The following ULK4 variants were observed in gnomAD, a reference collection of about 807,000 sequenced individuals.
ULK4 encodes the protein unc-51 like kinase 4, also known as inactive serine/threonine-protein kinase ULK4.
Under a neutral mutation model 160.6 loss-of-function variants are expected in ULK4, and 133 were observed. The observed-to-expected ratio is 0.83, with a 90% CI of 0.72 to 0.96. The LOEUF is 0.96. Ranked by LOEUF, ULK4 falls within the 40% of genes least tolerant of loss-of-function variation. The pLI is 0.00. For missense variants in ULK4, 1,580 were observed against 1,499.5 expected (o/e 1.05, Z -0.89); for synonymous variants, 534 against 539.8 (o/e 0.99, Z 0.15).
chr3:41,940,364 C>A (rs73071212), intron 2 of ULK4, among the ~76,000 whole-genome samples: 19,158 of 152,088 alleles, frequency 0.13, 1,384 homozygotes, highest in Middle Eastern at 0.27. Flanking sequence ...AAGCCTTCTT[C>A]CCTGGCAATA....
chr3:41,683,905 T>G (rs757118740), intron 27 of ULK4, among the ~76,000 whole-genome samples: 1 of 152,170 alleles, frequency 6.6e-6, no homozygotes, highest in East Asian at 1.9e-4. Flanking sequence ...TATTCAAGCA[T>G]GCAAGCCTAC....
intron 1 of ULK4, 51 bp from the exon 2 acceptor site, chr3:41,954,858 T>A: frequency 1.6e-6 from 2 of 1,217,568 alleles, no homozygotes; most frequent in Non-Finnish European, 2.3e-6. Flanking sequence ...GTTGCATAAT[T>A]AATTAGCCTA....
At chr3:41,247,149 C>T (rs916523347) in intron 36 of ULK4, among the ~76,000 whole-genome samples, 157 bp from the exon 37 acceptor site, 2 of 152,338 alleles carry the variant, frequency 1.3e-5, no homozygotes, top group East Asian at 3.9e-4. Context: ...GGCCCACAGT[C>T]CTGGTGGGGT....
At chr3:41,349,033 C>T (rs1263238385) in intron 35 of ULK4, among the ~76,000 whole-genome samples, 2 of 152,202 alleles carry the variant, frequency 1.3e-5, no homozygotes, top group African/African-American at 4.8e-5. Context: ...CTCTGAGACA[C>T]TGGTCCAAAC....
chr3:41,539,994 A>G (rs1428217336), intron 32 of ULK4, among the ~76,000 whole-genome samples: 1 of 152,172 alleles, frequency 6.6e-6, no homozygotes, highest in Non-Finnish European at 1.5e-5. Flanking sequence ...AGAGGAGAAT[A>G]TTTTGAAGAA....
At chr3:41,812,977 T>A (rs2040861319) in intron 19 of ULK4, among the ~76,000 whole-genome samples, 1 of 152,370 alleles carries the variant, frequency 6.6e-6, no homozygotes, top group East Asian at 1.9e-4. Context: ...AATTTCCACA[T>A]GTCTAGAAAA....
At chr3:41,265,389 C>T (rs560698361) in intron 35 of ULK4, among the ~76,000 whole-genome samples, 60 of 152,340 alleles carry the variant, frequency 3.9e-4, no homozygotes, top group Non-Finnish European at 2.6e-4. Flanking sequence ...GGTAGGGCCA[C>T]GCAAACTCAG....
intron 22 of ULK4, among the ~76,000 whole-genome samples, chr3:41,721,989 A>C (rs1260030335): frequency 6.6e-6 from 1 of 152,204 alleles, no homozygotes; most frequent in Non-Finnish European, 1.5e-5. Flanking sequence ...GATGTCAACC[A>C]AATCTGGAAG....
intron 21 of ULK4, among the ~76,000 whole-genome samples, chr3:41,778,029 G>C (rs1287720887): frequency 2.3e-5 from 3 of 129,092 alleles, no homozygotes; most frequent in East Asian, 4.1e-4. Context: ...ATTAGGAAAA[G>C]AGGAAGTCAA....
chr3:41,401,038 C>T lies in ULK4; in HGVS notation c.3493-2774G>A, dbSNP rs539113155. Reference sequence around the variant, plus strand: ...GAAAGTTCTTTAAATAGTCTAGATACGCCTTAGATATATAGTTTTGCAAAT... The same window carrying T: ...GAAAGTTCTTTAAATAGTCTAGATATGCCTTAGATATATAGTTTTGCAAAT... On this transcript the variant is annotated intron_variant, in intron 34 of 36. Coordinates refer to ENST00000301831, the MANE Select transcript of ULK4 (RefSeq NM_017886.4). 1.0e-3 allele frequency among the ~76,000 whole-genome samples: 152 copies of T among 152,164 alleles called. 1 individual carries two copies. The highest frequency in any genetic ancestry group is 6.2e-4 in the Non-Finnish European group (42 of 67,996).
At chr3:41,829,546 G>A (rs2041496074) in intron 18 of ULK4, among the ~76,000 whole-genome samples, 1 of 152,100 alleles carries the variant, frequency 6.6e-6, no homozygotes, top group Non-Finnish European at 1.5e-5. Flanking sequence ...ATGAAAAAAT[G>A]CTCATCATCA....
In ULK4 at chr3:41,398,207, C is replaced by A. The variant is rs779277157; in HGVS notation, c.3550G>T (p.Val1184Phe). The A allele has an allele frequency of 1.2e-6, 2 of 1,612,698 alleles. No individual in the cohort carries two copies. The highest frequency in any genetic ancestry group is 1.7e-6 in the Non-Finnish European group (2 of 1,179,504). ...GGGTTTTCCCCTCCATACAGCTGAA[C>A]CAGTATAGACAGGCACTTGGATGAA... ...DVSSKCLSIL[V>F]QLYGGENPDS... The change falls in exon 35 of 37, where the codon GTT becomes TTT. Residue 1184 changes from valine to phenylalanine, a missense_variant. Val to Phe is a conservative substitution (Grantham distance 50). Transcript: ENST00000301831.
chr3:41,627,296 A>G (rs1180658047), intron 30 of ULK4, among the ~76,000 whole-genome samples: 1 of 152,162 alleles, frequency 6.6e-6, no homozygotes, highest in Non-Finnish European at 1.5e-5. Flanking sequence ...CAAAGACATT[A>G]GCTCCCCCAA....
chr3:41,917,517 TTA>T (rs1273820205), intron 7 of ULK4, among the ~76,000 whole-genome samples: 2 of 152,106 alleles, frequency 1.3e-5, no homozygotes, highest in East Asian at 1.9e-4. Flanking sequence ...CTGTTTTCAT[TTA>T]TGTGTCTTAA....
Position 41,931,840 on chromosome 3 carries a change from A to G in ULK4, c.541+4T>C. On this transcript the variant is annotated splice_donor_region_variant and intron_variant, in intron 5 of 36. Coordinates refer to ENST00000301831, the MANE Select transcript of ULK4 (RefSeq NM_017886.4). ...TGATCTTTAAGCTTTCCAGGTCCAC[A>G]TACCTTTGACTCTACTTTTCATGCT... 1 of 1,613,820 alleles carries G rather than the reference A, an allele frequency of 6.2e-7. No homozygotes were observed. Among genetic ancestry groups the G allele is most frequent in the Non-Finnish European group, 8.5e-7 (1 of 1,179,864 alleles).
At chr3:41,468,228 T>G (rs550661260) in intron 32 of ULK4, among the ~76,000 whole-genome samples, 10 of 152,078 alleles carry the variant, frequency 6.6e-5, no homozygotes, top group African/African-American at 2.2e-4. Context: ...CAGTTAAAAC[T>G]AAAAGACAAC....
chr3:41,557,531 C>T (rs1795358), intron 32 of ULK4, among the ~76,000 whole-genome samples: 63,405 of 151,126 alleles, frequency 0.42, 14,817 homozygotes, highest in Middle Eastern at 0.52. Context: ...TTTGGAAGTC[C>T]GAGGTGGAAA....
intron 27 of ULK4, among the ~76,000 whole-genome samples, chr3:41,698,708 C>G (rs904279799): frequency 2.0e-5 from 3 of 152,038 alleles, no homozygotes; most frequent in Admixed American, 2.0e-4. Flanking sequence ...TAAAGATGTA[C>G]TTATCCTAAG....
chr3:41,758,440 G>C (rs1450673236), intron 21 of ULK4, among the ~76,000 whole-genome samples: 1 of 152,066 alleles, frequency 6.6e-6, no homozygotes, highest in Non-Finnish European at 1.5e-5. Flanking sequence ...AGTTATACAA[G>C]ACAAGGAGGT....
Sources: allele counts gnomAD v4.1 joint callset (sites outside exome capture counted in the v4.1 genomes callset), GRCh38; gene constraint gnomAD v4.1.1; transcripts MANE v1.5; gene names NCBI Gene and HGNC (gene_info 2026-07-23, HGNC 2026-07-21).